Variants in SLA observed in about 807,000 individuals in gnomAD.
The protein encoded by SLA is Src like adaptor.
A neutral mutation model predicts 30.3 loss-of-function variants in SLA; 16 were observed. The observed-to-expected ratio is 0.53, with a 90% confidence interval of 0.36 to 0.80. SLA has a LOEUF of 0.80. Ranked by LOEUF, SLA falls within the 30% of genes least tolerant of loss-of-function variation. SLA has a pLI of 0.01. For missense variants in SLA, 310 were observed against 345.2 expected, an observed-to-expected ratio of 0.90 and a Z score of 0.81; for synonymous variants, 143 against 137.8, an observed-to-expected ratio of 1.04 and a Z score of -0.26.
rs772751614 is a variant in SLA at position 133,050,847 on chromosome 8, G to A, written c.130C>T (p.Arg44Cys). 48 of 1,612,784 alleles carry A rather than the reference G, an allele frequency of 3.0e-5. 1 individual carries two copies. The Admixed American group carries it at 4.0e-4, about 13-fold the overall frequency. Residue 44 changes from arginine (R) to cysteine (C), a missense_variant, in exon 4 of 9, where the codon CGC becomes TGC. Physicochemically the swap from Arg to Cys is radical, Grantham distance 180 (BLOSUM62 -3). Transcript: ENST00000338087. Reference sequence around the variant, plus strand: ...ATCACACGCAGTTTCTCCCCTCGGCGGAATATCGGGGGGCTGATGTCAGGA... The same window carrying A: ...ATCACACGCAGTTTCTCCCCTCGGCAGAATATCGGGGGGCTGATGTCAGGA... ...PSPDISPPIF[R>C]RGEKLRVISD...
At chr8:133,042,678 C>CTTT (rs58739514) in intron 7 of SLA, among the ~76,000 whole-genome samples, 1,599 of 56,754 alleles carry the variant, frequency 0.028, 334 homozygotes, top group Non-Finnish European at 0.036. Flanking sequence ...CATTCTGTGT[C>CTTT]TTTTTTTTTT....
intron 1 of SLA, among the ~76,000 whole-genome samples, chr8:133,087,167 C>A (rs1554720584): frequency 6.6e-6 from 1 of 151,118 alleles, no homozygotes; most frequent in Non-Finnish European, 1.5e-5. Context: ...CAGTGGTTTT[C>A]TTTGATTGGG....
At chr8:133,062,829 A>C (rs906566053) in intron 2 of SLA, among the ~76,000 whole-genome samples, 1 of 150,854 alleles carries the variant, frequency 6.6e-6, no homozygotes, top group East Asian at 2.0e-4. Context: ...GGAAGCACAC[A>C]TGTGACACGC....
chr8:133,076,791 G>C (rs991164963), intron 1 of SLA: 1 of 144,736 alleles, frequency 6.9e-6, no homozygotes, highest in Admixed American at 6.9e-5. Context: ...AACTGCAAAA[G>C]CCCTGCCCTT....
chr8:133,045,556 A>G (rs1435466440), intron 6 of SLA, among the ~76,000 whole-genome samples: 1 of 151,732 alleles, frequency 6.6e-6, no homozygotes, highest in Non-Finnish European at 1.5e-5. Context: ...CACCACGCCC[A>G]GTTAATTCTT....
rs554325723 is a variant in SLA, at chr8:133,080,840, T to G, written c.-318-5710A>C. Among the ~76,000 whole-genome samples, 18 of 152,292 alleles carry G rather than the reference T, an allele frequency of 1.2e-4. 1 individual carries two copies. The South Asian group carries it at 3.5e-3, about 30-fold the overall frequency. On this transcript the variant is annotated intron_variant, in intron 1 of 8. Transcript: ENST00000338087. The stretch of plus-strand genomic sequence containing the variant: ...TCCCCCTGCAAGGGCATGGGGCAGG[T>G]CCCTTCAGGCCCAACCCAGTGCTAA...
rs1294522135 is a variant in SLA, at chr8:133,058,420, C to G, written c.61+1680G>C. Among the ~76,000 whole-genome samples the G allele has an allele frequency of 2.0e-5, 3 of 152,226 alleles. No homozygotes were observed. In the East Asian group the frequency reaches 5.8e-4, roughly 29 times the overall value. On this transcript the variant is annotated intron_variant, in intron 3 of 8. Transcript: ENST00000338087. ...ATAATGGAACAAAATCAACTTATTT[C>G]ATGACAATTTGCATTGAAAAGTTGA...
chr8:133,093,238 T>C (rs1001613933), intron 1 of SLA, among the ~76,000 whole-genome samples: 5 of 152,132 alleles, frequency 3.3e-5, no homozygotes, highest in African/African-American at 1.2e-4. Flanking sequence ...AACTCAACAA[T>C]AGGCTAAATC....
At chr8:133,075,824 C>T (rs779159375) in intron 1 of SLA, among the ~76,000 whole-genome samples, 5 of 151,854 alleles carry the variant, frequency 3.3e-5, no homozygotes, top group Admixed American at 6.6e-5. Context: ...AGAAGGCAAA[C>T]GGGACAAAAT....
chr8:133,047,600 T>G, intron 6 of SLA: 1 of 554,658 alleles, frequency 1.8e-6, no homozygotes, highest in Non-Finnish European at 3.3e-6. Context: ...TCAGGCCTGA[T>G]GTTGGCCAGG....
intron 1 of SLA, among the ~76,000 whole-genome samples, chr8:133,097,081 C>G (rs1387619635): frequency 6.6e-6 from 1 of 152,212 alleles, no homozygotes; most frequent in Non-Finnish European, 1.5e-5. Flanking sequence ...ACAGGGAAGC[C>G]CAGTGTGCAT....
At chr8:133,056,726 G>A (rs959487567) in intron 3 of SLA, among the ~76,000 whole-genome samples, 1 of 152,226 alleles carries the variant, frequency 6.6e-6, no homozygotes. Context: ...ACTGTGTCTG[G>A]AGGCTGTGAG....
At chr8:133,042,709 T>TTTTTTTG (rs1554706931) in intron 7 of SLA, among the ~76,000 whole-genome samples, 2 of 138,594 alleles carry the variant, frequency 1.4e-5, no homozygotes, top group African/African-American at 5.6e-5. Context: ...TTTTTTTTTT[T>TTTTTTTG]GTGAGATGGA....
intron 1 of SLA, among the ~76,000 whole-genome samples, chr8:133,076,456 G>A (rs1274708110): frequency 2.6e-5 from 4 of 152,204 alleles, no homozygotes; most frequent in Admixed American, 1.3e-4. Flanking sequence ...GAAAACACCC[G>A]CTCAAGAAGA....
intron 1 of SLA, among the ~76,000 whole-genome samples, chr8:133,080,913 A>C (rs972139839): frequency 6.6e-6 from 1 of 152,174 alleles, no homozygotes; most frequent in Non-Finnish European, 1.5e-5. Flanking sequence ...CTCAACCAAC[A>C]ATGATTGCTC....
chr8:133,052,462 G>C (rs1388372334), intron 3 of SLA, among the ~76,000 whole-genome samples: 1 of 152,166 alleles, frequency 6.6e-6, no homozygotes, highest in African/African-American at 2.4e-5. Flanking sequence ...AGTCGTGTCG[G>C]GACGTAAAAG....
chr8:133,089,618 C>G (rs1253113241), intron 1 of SLA, among the ~76,000 whole-genome samples: 1 of 152,178 alleles, frequency 6.6e-6, no homozygotes, highest in Non-Finnish European at 1.5e-5. Flanking sequence ...GGAAATTCTT[C>G]TCTTCATTTA....
At chr8:133,096,234 A>G (rs1487161073) in intron 1 of SLA, 2 of 1,614,222 alleles carry the variant, frequency 1.2e-6, no homozygotes, top group Non-Finnish European at 8.5e-7. Flanking sequence ...CCTTTCCACT[A>G]CTGGGGTCCT....
chr8:133,099,981 T>A (rs1279828488), intron 1 of SLA, among the ~76,000 whole-genome samples: 1 of 152,190 alleles, frequency 6.6e-6, no homozygotes, highest in African/African-American at 2.4e-5. Context: ...ATTTTACTCC[T>A]CTGCTCCAAG....
Sources: allele counts gnomAD v4.1 joint callset (sites outside exome capture counted in the v4.1 genomes callset), GRCh38; gene constraint gnomAD v4.1.1; transcripts MANE v1.5; gene names NCBI Gene and HGNC (gene_info 2026-07-23, HGNC 2026-07-21).